The following PRRC1 variants were observed in gnomAD, a reference collection of about 807,000 sequenced individuals.
PRRC1 encodes protein PRRC1.
Under a neutral mutation model 40.7 loss-of-function variants are expected in PRRC1, and 39 were observed. That is an observed-to-expected ratio of 0.96 (90% CI 0.74 to 1.25). The LOEUF is 1.25. PRRC1 is among the 50% of genes most tolerant of loss of function. PRRC1 has a pLI of 0.00. For missense variants in PRRC1, 573 were observed against 548.3 expected (o/e 1.05, Z -0.45); for synonymous variants, 175 against 193.3 (o/e 0.91, Z 0.79).
chr5:127,550,399 A>G (rs1768347559), intron 8 of PRRC1: 1 of 152,144 alleles, frequency 6.6e-6, no homozygotes, highest in South Asian at 2.1e-4. Flanking sequence ...TCAGCCCTTC[A>G]GGTAATTAGA....
Position 127,524,779 on chromosome 5 carries a change from A to G in PRRC1, c.352A>G (p.Asn118Asp), listed in dbSNP as rs1486901081. The G allele has an allele frequency of 3.7e-6, 6 of 1,613,998 alleles. No individual in the cohort carries two copies. The highest frequency in any genetic ancestry group is 4.5e-5 in the East Asian group (2 of 44,866). ...CTTCCCACCTTCAACTTCTGCCCCA[A>G]ACACTCTTTTACCTGCACCCCCTTC... ...SHFPPSTSAP[N>D]TLLPAPPSGP... The change falls in exon 3 of 9, where the codon AAC becomes GAC. Residue 118 changes from asparagine (N) to aspartate (D), a missense_variant. Physicochemically the swap from Asn to Asp is conservative, Grantham distance 23. Coordinates refer to ENST00000296666, the MANE Select transcript of PRRC1 (RefSeq NM_130809.5).
intron 7 of PRRC1, among the ~76,000 whole-genome samples, chr5:127,545,838 G>T (rs766606786): frequency 1.3e-5 from 2 of 151,766 alleles, no homozygotes; most frequent in Non-Finnish European, 2.9e-5. Flanking sequence ...AAGATAATAT[G>T]TTGTTTTCTC....
chr5:127,538,979 ATTAGTATAT>A, intron 6 of PRRC1, 52 bp from the exon 7 acceptor site: 1 of 1,178,142 alleles, frequency 8.5e-7, no homozygotes, highest in East Asian at 2.5e-5. Flanking sequence ...GTAATCATAA[ATTAGTATAT>A]TTAATATGTA....
chr5:127,541,487 G>A (rs1768044053), intron 7 of PRRC1, among the ~76,000 whole-genome samples: 1 of 151,956 alleles, frequency 6.6e-6, no homozygotes, highest in African/African-American at 2.4e-5. Flanking sequence ...GAATTCGGCT[G>A]TGAATCCATC....
At chr5:127,522,486 G>A (rs1283615367) in intron 1 of PRRC1, among the ~76,000 whole-genome samples, 2 of 152,086 alleles carry the variant, frequency 1.3e-5, no homozygotes, top group Non-Finnish European at 2.9e-5. Flanking sequence ...AACCTCCTGG[G>A]ATCAGGTGAT....
At chr5:127,520,929 CAAG>C (rs1767442523) in intron 1 of PRRC1, among the ~76,000 whole-genome samples, 1 of 152,126 alleles carries the variant, frequency 6.6e-6, no homozygotes, top group African/African-American at 2.4e-5. Context: ...TTGGGGTACT[CAAG>C]AACTCTGCTG....
At chr5:127,549,003 A>G (rs1019196500) in intron 8 of PRRC1, 2 of 152,134 alleles carry the variant, frequency 1.3e-5, no homozygotes, top group African/African-American at 4.8e-5. Flanking sequence ...GAAAGAGTGG[A>G]TTTTCTAGGA....
chr5:127,519,616 T>A (rs1279205861), intron 1 of PRRC1, among the ~76,000 whole-genome samples: 5 of 152,316 alleles, frequency 3.3e-5, no homozygotes, highest in Non-Finnish European at 7.3e-5. Flanking sequence ...TTAGCTCATC[T>A]CTTATTCTCT....
chr5:127,553,668 A>C lies in PRRC1; in HGVS notation c.*1752A>C, dbSNP rs1580958753. On this transcript the variant is annotated 3_prime_UTR_variant, in exon 9 of 9. Coordinates refer to ENST00000296666, the MANE Select transcript of PRRC1 (RefSeq NM_130809.5). Reference sequence around the variant, plus strand: ...TAGTTCTGCTACTTTCCCTCCTATTATAAGGAAATCTTACAGATTCTAAAA... The same window carrying C: ...TAGTTCTGCTACTTTCCCTCCTATTCTAAGGAAATCTTACAGATTCTAAAA... The C allele has an allele frequency of 3.4e-6, 5 of 1,465,344 alleles. No homozygotes were observed. The African/African-American group carries it at 7.2e-5, about 21-fold the overall frequency. 90.8% of individuals were successfully genotyped at this position (1,465,344 alleles called of 1,614,324 possible).
chr5:127,551,685 T>C (rs756559562), intron 8 of PRRC1, 22 bp from the exon 9 acceptor site: 2 of 1,610,094 alleles, frequency 1.2e-6, no homozygotes, highest in South Asian at 1.1e-5. Context: ...TTATAAGTAA[T>C]ATCAATTTCA....
intron 8 of PRRC1, chr5:127,548,839 T>C (rs1414628367): frequency 3.3e-5 from 5 of 152,140 alleles, no homozygotes; most frequent in Non-Finnish European, 4.4e-5. Context: ...GAAATTTTAC[T>C]GAAACTTTTA....
chr5:127,518,781 C>A (rs1315571291), intron 1 of PRRC1, among the ~76,000 whole-genome samples: 3 of 148,344 alleles, frequency 2.0e-5, no homozygotes, highest in East Asian at 3.9e-4. Flanking sequence ...CAAATTGGAA[C>A]AACAGGGTCT....
chr5:127,551,669 A>C, intron 8 of PRRC1, 38 bp from the exon 9 acceptor site: 1 of 1,584,708 alleles, frequency 6.3e-7, no homozygotes, highest in Non-Finnish European at 8.7e-7. Flanking sequence ...GATATTTTTA[A>C]ATGTATTATA....
At chr5:127,540,353 C>T (rs1162244927) in intron 7 of PRRC1, among the ~76,000 whole-genome samples, 1 of 151,996 alleles carries the variant, frequency 6.6e-6, no homozygotes, top group Non-Finnish European at 1.5e-5. Context: ...ACTATTCACT[C>T]CCTTTTCACC....
At chr5:127,548,755 A>G (rs1768293890) in intron 8 of PRRC1, 2 of 152,166 alleles carry the variant, frequency 1.3e-5, no homozygotes, top group African/African-American at 4.8e-5. Context: ...ATGTGTTCAC[A>G]TAATCCCTAA....
At chr5:127,540,484 G>A (rs926767258) in intron 7 of PRRC1, among the ~76,000 whole-genome samples, 1 of 151,930 alleles carries the variant, frequency 6.6e-6, no homozygotes, top group Non-Finnish European at 1.5e-5. Context: ...TTGCATTTCT[G>A]TTTTTCTGTC....
intron 1 of PRRC1, 83 bp downstream of exon 1, chr5:127,517,859 C>G (rs1767356522): frequency 6.6e-6 from 1 of 152,338 alleles, no homozygotes; most frequent in Admixed American, 6.5e-5. Flanking sequence ...AGCCAGACCC[C>G]GAGGGACGGT....
At chr5:127,518,600 A>T (rs1298348527) in intron 1 of PRRC1, among the ~76,000 whole-genome samples, 3 of 152,180 alleles carry the variant, frequency 2.0e-5, no homozygotes, top group Non-Finnish European at 4.4e-5. Context: ...TTAGGCTCTA[A>T]CTAGCGCTCA....
rs1180309625 is a variant in PRRC1 at position 127,524,659 on chromosome 5, C to G, written c.232C>G (p.Pro78Ala). 4 of 1,614,174 alleles carry G rather than the reference C, an allele frequency of 2.5e-6. No individual in the cohort carries two copies. Among genetic ancestry groups the G allele is most frequent in the Non-Finnish European group, 3.4e-6 (4 of 1,180,034 alleles). ...AGCACCATTACCTTTTGTGCCTCCT[C>G]CTGCAGTTCCTTCTGTCCCACCACT... ...PSAPLPFVPP[P>A]AVPSVPPLVT... The change falls in exon 3 of 9, where the codon CCT becomes GCT. Residue 78 changes from proline (P) to alanine (A), a missense_variant. By Grantham distance (27) the Pro-to-Ala change is conservative. Coordinates refer to ENST00000296666, the MANE Select transcript of PRRC1 (RefSeq NM_130809.5).
Sources: allele counts gnomAD v4.1 joint callset (sites outside exome capture counted in the v4.1 genomes callset), GRCh38; gene constraint gnomAD v4.1.1; transcripts MANE v1.5; gene names NCBI Gene and HGNC (gene_info 2026-07-23, HGNC 2026-07-21).